Variants in CHRDL1 observed in about 807,000 individuals in gnomAD.
The protein encoded by CHRDL1 is chordin-like protein 1.
A neutral mutation model predicts 40.9 loss-of-function variants in CHRDL1; 19 were observed. The observed-to-expected ratio is 0.46, with a 90% CI of 0.32 to 0.68. The LOEUF is 0.68. Ranked by LOEUF, CHRDL1 falls within the 30% of genes least tolerant of loss-of-function variation. The pLI is 0.03. For missense variants in CHRDL1, 329 were observed against 352.1 expected (o/e 0.93, Z 0.53); for synonymous variants, 136 against 123.4 (o/e 1.10, Z -0.68).
chrX:110,746,109 G>A (rs187923532), intron 4 of CHRDL1, among the ~76,000 whole-genome samples: 2 of 111,515 alleles, frequency 1.8e-5, no homozygotes, highest in African/African-American at 6.5e-5. Context: ...AGTTGGTGGG[G>A]GCAGAAAGGG....
rs796243093 is a variant in CHRDL1 at position 110,674,457 on chromosome X, C to CCACATACACACACACACACA, written c.*1773_*1774insTGTGTGTGTGTGTGTATGTG. 47 of 78,928 alleles carry CCACATACACACACACACACA rather than the reference C, an allele frequency of 6.0e-4. 3 individuals are homozygous for CCACATACACACACACACACA. Among genetic ancestry groups the CCACATACACACACACACACA allele is most frequent in the African/African-American group, 2.1e-3 (41 of 19,226 alleles). The allele number at this position is 78,928 out of a possible 1,213,427, so 6.5% of individuals were successfully genotyped here. On this transcript the variant is annotated 3_prime_UTR_variant, in exon 12 of 12. Transcript: ENST00000372042. ...GCCGCATAACACCTTCCCCCCTTTA[C>CCACATACACACACACACACA]CACACACACACACACACACACACAC... is the stretch of plus-strand genomic sequence containing the variant.
intron 2 of CHRDL1, among the ~76,000 whole-genome samples, chrX:110,765,525 G>T (rs2089644858): frequency 9.0e-6 from 1 of 111,713 alleles, no homozygotes; most frequent in African/African-American, 3.3e-5. Flanking sequence ...CATGTGGCTT[G>T]CCAGTTATCC....
intron 6 of CHRDL1, among the ~76,000 whole-genome samples, chrX:110,705,938 A>G (rs756505633): frequency 1.1e-4 from 12 of 110,581 alleles, no homozygotes; most frequent in African/African-American, 2.9e-4. Flanking sequence ...ATGTTCTATT[A>G]AGTCTATTAA....
intron 2 of CHRDL1, among the ~76,000 whole-genome samples, chrX:110,769,271 C>T (rs1225180097): frequency 1.8e-5 from 2 of 112,146 alleles, no homozygotes; most frequent in Non-Finnish European, 3.8e-5. Context: ...ATCATACTAG[C>T]TCAAAATAAA....
At chrX:110,685,886 A>AT (rs72389100) in intron 9 of CHRDL1, among the ~76,000 whole-genome samples, 1,110 of 82,724 alleles carry the variant, frequency 0.013, 12 homozygotes, top group Middle Eastern at 0.026. Context: ...TTTTTAGCCA[A>AT]TTTTTTTTTT....
chrX:110,727,451 T>C, intron 4 of CHRDL1, among the ~76,000 whole-genome samples: 1 of 112,473 alleles, frequency 8.9e-6, no homozygotes, highest in Non-Finnish European at 1.9e-5. Context: ...AACACTGGAA[T>C]AGAATCTCTT....
At chrX:110,721,051 A>G (rs903842051) in intron 5 of CHRDL1, among the ~76,000 whole-genome samples, 9 of 111,909 alleles carry the variant, frequency 8.0e-5, no homozygotes, top group Non-Finnish European at 1.3e-4. Context: ...AGCATTCCCA[A>G]AGCTTCAAAT....
intron 3 of CHRDL1, among the ~76,000 whole-genome samples, chrX:110,762,169 A>T (rs1395854603): frequency 1.8e-5 from 2 of 112,662 alleles, no homozygotes; most frequent in African/African-American, 6.4e-5. Flanking sequence ...AAGAGATCAT[A>T]AATATCTGTC....
intron 4 of CHRDL1, among the ~76,000 whole-genome samples, chrX:110,733,225 G>A (rs978077838): frequency 2.7e-5 from 3 of 111,640 alleles, no homozygotes; most frequent in African/African-American, 9.8e-5. Flanking sequence ...AACTGCTTGT[G>A]AGTAAGCACA....
chrX:110,753,771 G>GTGA (rs1197650407), intron 4 of CHRDL1, among the ~76,000 whole-genome samples: 2 of 111,139 alleles, frequency 1.8e-5, no homozygotes, highest in African/African-American at 6.5e-5. Context: ...AGATAGGTCA[G>GTGA]TGATTAAAGA....
chrX:110,677,385 TG>T (rs2069800908), intron 11 of CHRDL1, among the ~76,000 whole-genome samples: 1 of 111,545 alleles, frequency 9.0e-6, no homozygotes, highest in Admixed American at 9.6e-5. Context: ...ATAAAAGAGT[TG>T]GGTTTGTTCT....
chrX:110,680,368 A>G (rs1387904899), intron 10 of CHRDL1, among the ~76,000 whole-genome samples: 1 of 111,949 alleles, frequency 8.9e-6, no homozygotes, highest in Admixed American at 9.5e-5. Flanking sequence ...AAAAATAAGC[A>G]TGAGTGAATA....
intron 2 of CHRDL1, among the ~76,000 whole-genome samples, chrX:110,775,641 T>C (rs1210465467): frequency 2.7e-5 from 3 of 111,946 alleles, no homozygotes; most frequent in Non-Finnish European, 5.7e-5. Flanking sequence ...AGTTGGATTT[T>C]GGGGATTTTT....
chrX:110,690,219 T>C (rs1320585837), intron 8 of CHRDL1, among the ~76,000 whole-genome samples: 4 of 103,932 alleles, frequency 3.8e-5, no homozygotes, highest in African/African-American at 1.4e-4. Context: ...CTAACTTTTT[T>C]TTGGATTTTT....
rs1300237622 is a variant in CHRDL1, at chrX:110,696,770, T to C, written c.610-2439A>G. Among the ~76,000 whole-genome samples, 3 of 111,011 alleles carry C rather than the reference T, an allele frequency of 2.7e-5. No homozygotes were observed. In the Admixed American group the frequency reaches 2.9e-4, roughly 11 times the overall value. On this transcript the variant is annotated intron_variant, in intron 7 of 11. Transcript: ENST00000372042. ...TCTGAGGTATCCTTATGTAAGTGGT[T>C]TGGGGGAAGGCCTGGGCATTAGGAT... is the stretch of plus-strand genomic sequence containing the variant.
chrX:110,678,351 C>T (rs993810128), intron 11 of CHRDL1, among the ~76,000 whole-genome samples: 1 of 111,919 alleles, frequency 8.9e-6, no homozygotes, highest in Non-Finnish European at 1.9e-5. Flanking sequence ...TACATTTGAA[C>T]ATTTTACTGG....
intron 2 of CHRDL1, among the ~76,000 whole-genome samples, chrX:110,785,837 T>A (rs2090008875): frequency 8.9e-6 from 1 of 112,257 alleles, no homozygotes; most frequent in South Asian, 3.7e-4. Context: ...ATCTGATAGT[T>A]GACAATCCAG....
At chrX:110,682,173 C>T (rs2069912498) in intron 9 of CHRDL1, among the ~76,000 whole-genome samples, 1 of 111,905 alleles carries the variant, frequency 8.9e-6, no homozygotes, top group Non-Finnish European at 1.9e-5. Context: ...CATATACTTG[C>T]CCAAAGGATC....
rs964970142 is a variant in CHRDL1 at position 110,694,180 on chromosome X, T to C, written c.761A>G (p.Lys254Arg). 3 of 1,207,348 alleles carry C rather than the reference T, an allele frequency of 2.5e-6. No homozygotes were observed. Among genetic ancestry groups the C allele is most frequent in the East Asian group, 3.0e-5 (1 of 33,728 alleles). ...GTIVQIVINN[K>R]HKHGQVCVSN... ...CCCCTTACCTTGTCCATGCTTGTGT[T>C]TGTTATTGATGACAATTTGCACAAT... The change falls in exon 8 of 12, where the codon AAA (lysine) becomes AGA (arginine). Residue 254 changes from lysine (K) to arginine (R), a missense_variant. Transcript: ENST00000372042.
Sources: gnomAD v4.1 joint callset for allele counts (sites outside exome capture counted in the v4.1 genomes callset) on GRCh38, gnomAD v4.1.1 for gene constraint, MANE v1.5 for transcripts, NCBI Gene and HGNC (gene_info 2026-07-23, HGNC 2026-07-21) for gene names.